CTNNA2: variants seen among roughly 807,000 people sequenced by gnomAD.
The protein encoded by CTNNA2 is catenin alpha-2.
In CTNNA2, 42 loss-of-function variants were observed where a neutral mutation model predicts 101.0. The observed-to-expected ratio is 0.42, with a 90% CI of 0.32 to 0.54. CTNNA2 has a LOEUF of 0.54. CTNNA2 is among the 20% of genes least tolerant of loss of function. The probability of loss-of-function intolerance (pLI) is 0.14; values close to 1 mark genes in which losing one functional copy is unlikely to be tolerated. For missense variants in CTNNA2, 871 were observed against 1,223.1 expected (o/e 0.71, Z 4.29); for synonymous variants, 450 against 456.4 (o/e 0.99, Z 0.18).
At chr2:80,114,548 T>C (rs1283618968) in intron 7 of CTNNA2, among the ~76,000 whole-genome samples, 1 of 151,950 alleles carries the variant, frequency 6.6e-6, no homozygotes, top group African/African-American at 2.4e-5. Flanking sequence ...ATATTTGGAG[T>C]AGAAACAGAA....
intron 9 of CTNNA2, among the ~76,000 whole-genome samples, chr2:80,472,887 G>T (rs1001674045): frequency 6.6e-6 from 1 of 152,110 alleles, no homozygotes; most frequent in Non-Finnish European, 1.5e-5. Flanking sequence ...GTCATTACAC[G>T]TGTCAAAGGG....
intron 7 of CTNNA2, among the ~76,000 whole-genome samples, chr2:80,141,743 A>C (rs1389948574): frequency 2.6e-5 from 4 of 152,156 alleles, no homozygotes; most frequent in African/African-American, 4.8e-5. Context: ...GCATCTAGCT[A>C]GCCCTGAGAA....
intron 7 of CTNNA2, among the ~76,000 whole-genome samples, chr2:80,067,268 T>A (rs754233169): frequency 6.6e-6 from 1 of 152,212 alleles, no homozygotes; most frequent in African/African-American, 2.4e-5. Flanking sequence ...ATAATGCATA[T>A]GTAAATTAGC....
intron 11 of CTNNA2, among the ~76,000 whole-genome samples, chr2:80,552,964 C>G (rs1692704921): frequency 6.6e-6 from 1 of 151,726 alleles, no homozygotes; most frequent in African/African-American, 2.4e-5. Flanking sequence ...TGCCTGTAAT[C>G]CCAGCACTTT....
intron 3 of CTNNA2, among the ~76,000 whole-genome samples, chr2:79,787,833 T>C (rs1191113156): frequency 1.3e-5 from 2 of 151,978 alleles, no homozygotes; most frequent in Non-Finnish European, 2.9e-5. Flanking sequence ...TGGGCCCACC[T>C]AGACAATCCT....
chr2:79,868,666 T>C (rs1162621528), intron 4 of CTNNA2, among the ~76,000 whole-genome samples: 1 of 152,246 alleles, frequency 6.6e-6, no homozygotes, highest in Non-Finnish European at 1.5e-5. Flanking sequence ...TGCCCAAAAT[T>C]ACAAGAGCCG....
intron 4 of CTNNA2, among the ~76,000 whole-genome samples, chr2:79,380,984 G>A (rs1449580446): frequency 6.6e-6 from 1 of 152,138 alleles, no homozygotes; most frequent in African/African-American, 2.4e-5. Flanking sequence ...TTGAAGAAAA[G>A]TTAGAAAACA....
intron 9 of CTNNA2, among the ~76,000 whole-genome samples, chr2:80,505,093 A>G (rs1008657877): frequency 6.6e-6 from 1 of 152,186 alleles, no homozygotes; most frequent in Admixed American, 6.5e-5. Context: ...GCCCCAAGCT[A>G]AAAAGGGAGC....
At chr2:79,946,663 G>C (rs1688512605) in intron 7 of CTNNA2, among the ~76,000 whole-genome samples, 2 of 152,122 alleles carry the variant, frequency 1.3e-5, no homozygotes, top group African/African-American at 4.8e-5. Flanking sequence ...TGTGTTATCA[G>C]ACAACAAGCT....
chr2:80,066,029 G>GT (rs1697964077), intron 7 of CTNNA2, among the ~76,000 whole-genome samples: 1 of 152,184 alleles, frequency 6.6e-6, no homozygotes, highest in South Asian at 2.1e-4. Flanking sequence ...TCCCACTACA[G>GT]TTTAAGGGAA....
chr2:80,451,268 C>T (rs917365505), intron 9 of CTNNA2, among the ~76,000 whole-genome samples: 13 of 152,156 alleles, frequency 8.5e-5, no homozygotes, highest in African/African-American at 2.2e-4. Context: ...GGCAGTTACC[C>T]TCATGCCATT....
chr2:79,881,354 T>C (rs960944388), intron 6 of CTNNA2, among the ~76,000 whole-genome samples: 1 of 152,196 alleles, frequency 6.6e-6, no homozygotes, highest in Non-Finnish European at 1.5e-5. Context: ...AGTTCAGTCC[T>C]GAATATCTTT....
rs1004840971 is a variant in CTNNA2, at chr2:80,128,891, A to G, written c.1056+219094A>G. Among the ~76,000 whole-genome samples, 27 of 152,162 alleles carry G rather than the reference A, an allele frequency of 1.8e-4. 1 individual carries two copies. Among genetic ancestry groups the G allele is most frequent in the African/African-American group, 6.3e-4 (26 of 41,452 alleles). On this transcript the variant is annotated intron_variant, in intron 7 of 18. Transcript: ENST00000402739. ...AAGTCCATTCACACACTACCTTAAC[A>G]TTATGCTTTGCTCCTGGATATTGCC...
At chr2:79,301,636 C>T (rs551196782) in intron 2 of CTNNA2, among the ~76,000 whole-genome samples, 72 of 152,194 alleles carry the variant, frequency 4.7e-4, no homozygotes, top group African/African-American at 1.6e-3. Flanking sequence ...ACCATATTGC[C>T]CCACTACCCA....
At chr2:80,532,873 C>G (rs79072767) in intron 9 of CTNNA2, among the ~76,000 whole-genome samples, 319 of 152,014 alleles carry the variant, frequency 2.1e-3, no homozygotes, top group Middle Eastern at 6.8e-3. Context: ...TCTAGGTAAA[C>G]CAACAGCGAT....
intron 9 of CTNNA2, among the ~76,000 whole-genome samples, chr2:80,425,864 T>C (rs1161402793): frequency 6.6e-6 from 1 of 152,174 alleles, no homozygotes; most frequent in African/African-American, 2.4e-5. Context: ...AAAATATTAG[T>C]AAAATGTTCA....
intron 18 of CTNNA2, among the ~76,000 whole-genome samples, chr2:80,642,449 C>G (rs1673596200): frequency 6.6e-6 from 1 of 151,934 alleles, no homozygotes; most frequent in African/African-American, 2.4e-5. Context: ...GTTTCTATAC[C>G]CAACACTTAA....
Position 80,291,666 on chromosome 2 carries a change from G to A in CTNNA2, c.1057-101545G>A, listed in dbSNP as rs920439744. 6.6e-5 allele frequency among the ~76,000 whole-genome samples: 10 copies of A among 152,182 alleles called. No homozygotes were observed. The South Asian group carries it at 2.1e-3, about 32-fold the overall frequency. ...ATATTAAATAAGAGTTTGGGGCTTG[G>A]ATAACAATTGCAAGCTGGGTAGCAG... On this transcript the variant is annotated intron_variant, in intron 7 of 18. Coordinates refer to ENST00000402739, the MANE Select transcript of CTNNA2 (RefSeq NM_001282597.3).
chr2:79,662,021 T>C (rs929975138), intron 2 of CTNNA2, among the ~76,000 whole-genome samples: 3 of 151,098 alleles, frequency 2.0e-5, no homozygotes, highest in Non-Finnish European at 2.9e-5. Flanking sequence ...AGGAAATAAA[T>C]AGGTGAGAAG....
Sources: gnomAD v4.1 joint callset for allele counts (sites outside exome capture counted in the v4.1 genomes callset) on GRCh38, gnomAD v4.1.1 for gene constraint, MANE v1.5 for transcripts, NCBI Gene and HGNC (gene_info 2026-07-23, HGNC 2026-07-21) for gene names.